Variants in TBC1D16 observed in about 807,000 individuals in gnomAD.
The protein encoded by TBC1D16 is TBC1 domain family member 16.
Under a neutral mutation model 74.7 loss-of-function variants are expected in TBC1D16, and 58 were observed. The ratio of observed to expected loss-of-function variants is 0.78; its 90% CI spans 0.63 to 0.97. The LOEUF (loss-of-function observed/expected upper bound fraction) is 0.97. TBC1D16 is among the 50% of genes least tolerant of loss of function. The pLI is 0.00. For missense variants in TBC1D16, 1,014 were observed against 1,079.5 expected (o/e 0.94, Z 0.85); for synonymous variants, 493 against 474.7 (o/e 1.04, Z -0.50).
chr17:79,970,738 G>A lies in TBC1D16; in HGVS notation c.780-17920C>T, dbSNP rs60903348. On this transcript the variant is annotated intron_variant, in intron 3 of 11. Coordinates refer to ENST00000310924, the MANE Select transcript of TBC1D16 (RefSeq NM_019020.4). ...AGAGGTGGACCTGGGGGTCCTCAGT[G>A]AAGCCTGCAGAAAGGTGAAGAGCTA... is the stretch of plus-strand genomic sequence containing the variant. Among the ~76,000 whole-genome samples the A allele has an allele frequency of 1.8e-4, 28 of 152,262 alleles. No individual in the cohort carries two copies. In the East Asian group the frequency reaches 4.4e-3, roughly 24 times the overall value.
intron 3 of TBC1D16, among the ~76,000 whole-genome samples, chr17:79,999,866 C>A (rs915684969): frequency 1.3e-5 from 2 of 151,994 alleles, no homozygotes; most frequent in African/African-American, 4.8e-5. Flanking sequence ...CTAAAATGAA[C>A]ACAATCTCTT....
chr17:79,944,986 C>A lies in TBC1D16; in HGVS notation c.1830G>T (p.Trp610Cys), dbSNP rs868423317. 6.4e-7 allele frequency: 1 copy of A among 1,567,930 alleles called. No individual in the cohort carries two copies. Among genetic ancestry groups the A allele is most frequent in the Non-Finnish European group, 8.6e-7 (1 of 1,156,408 alleles). ...ACTCCCGCTTGAAGCACAGAAGGAG[C>A]CAGCGGTGGCAGAAGAGCATCTGCA... The part of the protein sequence containing the change: ...DGLQMLFCHR[W>C]LLLCFKREFP... Residue 610 changes from tryptophan to cysteine, a missense_variant, in exon 10 of 12, where the codon TGG (tryptophan) becomes TGT (cysteine). Physicochemically the swap from Trp to Cys is radical, Grantham distance 215 (BLOSUM62 -2). Coordinates refer to ENST00000310924, the MANE Select transcript of TBC1D16 (RefSeq NM_019020.4). The surrounding 1 kb of genome is among the most constrained non-coding windows in gnomAD (Gnocchi z 7.7).
rs1270210321 is a variant in TBC1D16, at chr17:79,985,743, G to A, written c.779+24417C>T. On this transcript the variant is annotated intron_variant, in intron 3 of 11. Coordinates refer to ENST00000310924, the MANE Select transcript of TBC1D16 (RefSeq NM_019020.4). This position sits in a 1 kb window ranked among gnomAD's most constrained non-coding sequence, Gnocchi z 4.9. ...TTTCTGTGTGAAGACCTCTCTAATT[G>A]CGCACACTCCCCCCTCGGCTGGGTC... Among the ~76,000 whole-genome samples, 1 of 152,164 alleles carries A rather than the reference G, an allele frequency of 6.6e-6. No individual in the cohort carries two copies. Among genetic ancestry groups the A allele is most frequent in the African/African-American group, 2.4e-5 (1 of 41,420 alleles).
chr17:79,965,002 C>T (rs1430184520), intron 3 of TBC1D16, among the ~76,000 whole-genome samples: 1 of 152,094 alleles, frequency 6.6e-6, no homozygotes, highest in Non-Finnish European at 1.5e-5. Context: ...CTATAATATA[C>T]TTTCACCGCA....
intron 3 of TBC1D16, among the ~76,000 whole-genome samples, chr17:79,995,295 G>A (rs865955909): frequency 2.0e-4 from 30 of 149,746 alleles, no homozygotes; most frequent in African/African-American, 5.2e-4. Flanking sequence ...CTGAGACTCC[G>A]TTTCAAAAAA....
At position 79,944,775 on chromosome 17, in the gene TBC1D16, T is replaced by C. The variant is rs2032362266; in HGVS notation, c.1908+133A>G. 1.2e-6 allele frequency: 1 copy of C among 820,920 alleles called. No individual in the cohort carries two copies. 50.9% of individuals were successfully genotyped at this position (820,920 alleles called of 1,614,324 possible). A position where few individuals can be genotyped will look rare whatever the true frequency, so the allele number is the denominator to read the frequency against. ...CCAGCCACGTGGGACGGGAAGGCAG[T>C]CGCCGTATGGGGGGCTAATGTGTGG... is the stretch of plus-strand genomic sequence containing the variant. On this transcript the variant is annotated intron_variant, in intron 10 of 11. Coordinates refer to ENST00000310924, the MANE Select transcript of TBC1D16 (RefSeq NM_019020.4). The surrounding 1 kb of genome is among the most constrained non-coding windows in gnomAD (Gnocchi z 7.7).
At position 79,983,346 on chromosome 17, in the gene TBC1D16, C is replaced by A; in HGVS notation, c.779+26814G>T. On this transcript the variant is annotated intron_variant, in intron 3 of 11. Coordinates refer to ENST00000310924, the MANE Select transcript of TBC1D16 (RefSeq NM_019020.4). This position sits in a 1 kb window ranked among gnomAD's most constrained non-coding sequence, Gnocchi z 5.6. Reference sequence around the variant, plus strand: ...AGGAGGTTGAGTGCACATTGCAGGGCCCAGGGGCCCCTCGGAGGGGCTCCT... The same window carrying A: ...AGGAGGTTGAGTGCACATTGCAGGGACCAGGGGCCCCTCGGAGGGGCTCCT... 6.6e-6 allele frequency among the ~76,000 whole-genome samples: 1 copy of A among 152,176 alleles called. No individual in the cohort carries two copies. The highest frequency in any genetic ancestry group is 1.9e-4 in the East Asian group (1 of 5,198).
At position 79,961,937 on chromosome 17, in the gene TBC1D16, A is replaced by G. The variant is rs868139240; in HGVS notation, c.780-9119T>C. Among the ~76,000 whole-genome samples, 7 of 152,304 alleles carry G rather than the reference A, an allele frequency of 4.6e-5. No homozygotes were observed. Among genetic ancestry groups the G allele is most frequent in the African/African-American group, 1.4e-4 (6 of 41,580 alleles). ...ACAACCCAGGGTTTATCAACAGCCAATGCAGTAATGAATCGTGGTCTGTAC... is the reference window on the plus strand; with the variant it reads ...ACAACCCAGGGTTTATCAACAGCCAGTGCAGTAATGAATCGTGGTCTGTAC... On this transcript the variant is annotated intron_variant, in intron 3 of 11. Coordinates refer to ENST00000310924, the MANE Select transcript of TBC1D16 (RefSeq NM_019020.4). The surrounding 1 kb of genome is among the most constrained non-coding windows in gnomAD (Gnocchi z 4.8).
intron 3 of TBC1D16, among the ~76,000 whole-genome samples, chr17:79,997,896 G>A (rs968597468): frequency 1.3e-5 from 2 of 152,160 alleles, no homozygotes; most frequent in Non-Finnish European, 2.9e-5. Flanking sequence ...AGGCCAAGGA[G>A]GGTGCATCAC....
At chr17:79,965,224 C>T (rs2033789148) in intron 3 of TBC1D16, among the ~76,000 whole-genome samples, 1 of 152,012 alleles carries the variant, frequency 6.6e-6, no homozygotes, top group Non-Finnish European at 1.5e-5. Flanking sequence ...GGATTACAGA[C>T]ATGTGCCACC....
chr17:80,018,101 T>C (rs913095026), intron 1 of TBC1D16, among the ~76,000 whole-genome samples: 3 of 151,300 alleles, frequency 2.0e-5, no homozygotes, highest in African/African-American at 7.3e-5. Context: ...AGAAAATTGC[T>C]CGCCGTCCTC....
At position 79,950,524 on chromosome 17, in the gene TBC1D16, G is replaced by A. The variant is rs756375840; in HGVS notation, c.1144C>T (p.Pro382Ser). 4 of 1,613,372 alleles carry A rather than the reference G, an allele frequency of 2.5e-6. No homozygotes were observed. The highest frequency in any genetic ancestry group is 3.4e-6 in the Non-Finnish European group (4 of 1,179,928). ...TCCTCGGGGTGCGTCTCGGAGGACG[G>A]CAGCTTGGGGCGGCGGATGGAGAAC... ...MQFSIRRPKL[P>S]SSETHPEESM... The change falls in exon 6 of 12, where the codon CCG (proline) becomes TCG (serine). Residue 382 changes from proline to serine, a missense_variant. Pro to Ser is a moderately conservative substitution (Grantham distance 74). Transcript: ENST00000310924. This position sits in a 1 kb window ranked among gnomAD's most constrained non-coding sequence, Gnocchi z 4.6.
chr17:79,973,497 C>T (rs1332898745), intron 3 of TBC1D16, among the ~76,000 whole-genome samples: 1 of 152,164 alleles, frequency 6.6e-6, no homozygotes, highest in Non-Finnish European at 1.5e-5. Flanking sequence ...ATCACAAGGT[C>T]AGGAGATCAA....
At chr17:79,943,447 C>T (rs2032209449) in intron 10 of TBC1D16, among the ~76,000 whole-genome samples, 1 of 152,170 alleles carries the variant, frequency 6.6e-6, no homozygotes, top group Non-Finnish European at 1.5e-5. Context: ...CACATGCTGA[C>T]AGCGGACGGA....
In TBC1D16 at chr17:79,948,859, G is replaced by C. The variant is rs1187271145; in HGVS notation, c.1541+13C>G. 10 of 1,613,976 alleles carry C rather than the reference G, an allele frequency of 6.2e-6. No individual in the cohort carries two copies. Among genetic ancestry groups the C allele is most frequent in the Non-Finnish European group, 8.5e-6 (10 of 1,179,906 alleles). On this transcript the variant is annotated intron_variant, in intron 8 of 11. Coordinates refer to ENST00000310924, the MANE Select transcript of TBC1D16 (RefSeq NM_019020.4). The stretch of plus-strand genomic sequence containing the variant: ...CTTGCAGATGGGAAAGGAGCTGGCT[G>C]GGGAGGGAGTACCTCATGCTCTCCA...
At position 79,985,755 on chromosome 17, in the gene TBC1D16, C is replaced by A. The variant is rs1426187338; in HGVS notation, c.779+24405G>T. ...GACCTCTCTAATTGCGCACACTCCCCCCTCGGCTGGGTCCTCGGGGATGCC... is the reference window on the plus strand; with the variant it reads ...GACCTCTCTAATTGCGCACACTCCCACCTCGGCTGGGTCCTCGGGGATGCC... On this transcript the variant is annotated intron_variant, in intron 3 of 11. Transcript: ENST00000310924. The surrounding 1 kb of genome is among the most constrained non-coding windows in gnomAD (Gnocchi z 4.9). Among the ~76,000 whole-genome samples, 2 of 152,212 alleles carry A rather than the reference C, an allele frequency of 1.3e-5. No homozygotes were observed. The highest frequency in any genetic ancestry group is 4.8e-5 in the African/African-American group (2 of 41,448).
At chr17:79,967,137 C>T (rs903740604) in intron 3 of TBC1D16, among the ~76,000 whole-genome samples, 5 of 152,112 alleles carry the variant, frequency 3.3e-5, no homozygotes, top group Admixed American at 6.5e-5. Context: ...AAAAGTTTTC[C>T]CCCATATAAC....
intron 1 of TBC1D16, among the ~76,000 whole-genome samples, chr17:80,032,568 A>G (rs1327637800): frequency 6.6e-6 from 1 of 152,214 alleles, no homozygotes; most frequent in Non-Finnish European, 1.5e-5. Flanking sequence ...AGGTGCTCAA[A>G]GGACAGATAG....
intron 10 of TBC1D16, chr17:79,943,942 C>T: frequency 6.8e-7 from 1 of 1,472,812 alleles, no homozygotes; most frequent in East Asian, 2.5e-5. Flanking sequence ...TGCCGTGCTT[C>T]CCTTCGTTAA....
Sources: gnomAD v4.1 joint callset for allele counts (sites outside exome capture counted in the v4.1 genomes callset) on GRCh38, gnomAD v4.1.1 for gene constraint, Gnocchi (gnomAD v3.1) non-coding constraint, MANE v1.5 for transcripts, NCBI Gene and HGNC (gene_info 2026-07-23, HGNC 2026-07-21) for gene names.